The following DDHD1 variants were observed in gnomAD, a reference collection of about 807,000 sequenced individuals.
DDHD1 encodes the protein phospholipase DDHD1.
Under a neutral mutation model 96.4 loss-of-function variants are expected in DDHD1, and 49 were observed. The ratio of observed to expected loss-of-function variants is 0.51; its 90% CI spans 0.40 to 0.64. DDHD1 has a LOEUF of 0.64. DDHD1 is among the 30% of genes least tolerant of loss of function. The probability of loss-of-function intolerance (pLI) is 0.00; values close to 1 mark genes in which losing one functional copy is unlikely to be tolerated. For synonymous variants in DDHD1, 442 were observed against 446.5 expected (o/e 0.99, Z 0.13); for missense variants, 1,106 against 1,161.2 (o/e 0.95, Z 0.69).
At chr14:53,099,021 T>G (rs2139703444) in intron 2 of DDHD1, among the ~76,000 whole-genome samples, 1 of 152,200 alleles carries the variant, frequency 6.6e-6, no homozygotes, top group South Asian at 2.1e-4. Flanking sequence ...TCTGCCATTT[T>G]TCCATTTATT....
chr14:53,113,180 T>C (rs375086329), intron 1 of DDHD1, among the ~76,000 whole-genome samples: 1 of 151,722 alleles, frequency 6.6e-6, no homozygotes, highest in Non-Finnish European at 1.5e-5. Context: ...ATAGCCAGGC[T>C]GGTCTCAAAA....
chr14:53,109,107 G>A (rs961468658), intron 1 of DDHD1, among the ~76,000 whole-genome samples: 8 of 152,126 alleles, frequency 5.3e-5, no homozygotes, highest in Non-Finnish European at 7.4e-5. Flanking sequence ...TTGGGTGGGG[G>A]TTGGGTTGCC....
At chr14:53,124,088 A>G (rs973558935) in intron 1 of DDHD1, among the ~76,000 whole-genome samples, 1 of 151,286 alleles carries the variant, frequency 6.6e-6, no homozygotes, top group Non-Finnish European at 1.5e-5. Context: ...AAAAAAAATT[A>G]GCCGGGCATG....
rs1200868580 is a variant in DDHD1, at chr14:53,059,292, T to C, written c.1843-666A>G. On this transcript the variant is annotated intron_variant, in intron 8 of 12. Coordinates refer to ENST00000673822, the MANE Select transcript of DDHD1 (RefSeq NM_001160148.2). The stretch of plus-strand genomic sequence containing the variant: ...CCGAGTCTCGCTCTGTCACCCAGGC[T>C]GGAGTGCAGTAGTGCGATCTCAGCT... Among the ~76,000 whole-genome samples the C allele has an allele frequency of 5.3e-5, 8 of 152,210 alleles. No homozygotes were observed. In the East Asian group the frequency reaches 1.6e-3, roughly 30 times the overall value.
At chr14:53,047,273 C>A (rs1882096608) in intron 12 of DDHD1, among the ~76,000 whole-genome samples, 1 of 152,130 alleles carries the variant, frequency 6.6e-6, no homozygotes, top group South Asian at 2.1e-4. Context: ...ACCATTTAAT[C>A]CTTGTGCCTA....
intron 1 of DDHD1, 107 bp downstream of exon 1, chr14:53,152,154 G>T: frequency 9.0e-7 from 1 of 1,116,688 alleles, no homozygotes; most frequent in Non-Finnish European, 1.2e-6. Context: ...CAAACGCCAG[G>T]CCTCACGCGC....
intron 2 of DDHD1, among the ~76,000 whole-genome samples, chr14:53,098,800 T>C (rs1289147078): frequency 6.6e-6 from 1 of 152,052 alleles, no homozygotes; most frequent in African/African-American, 2.4e-5. Context: ...TCATAAATCT[T>C]TACAGAGACA....
intron 1 of DDHD1, among the ~76,000 whole-genome samples, chr14:53,114,329 G>A (rs961611236): frequency 3.3e-5 from 5 of 152,346 alleles, no homozygotes; most frequent in African/African-American, 1.2e-4. Flanking sequence ...TGCCGACTCT[G>A]AAGACAGCAG....
chr14:53,091,684 G>C, intron 4 of DDHD1, 101 bp downstream of exon 4: 3 of 1,280,770 alleles, frequency 2.3e-6, no homozygotes, highest in Non-Finnish European at 3.2e-6. Flanking sequence ...TGGCACTGGA[G>C]GAACATGCAG....
At chr14:53,090,811 T>C (rs1886371702) in intron 4 of DDHD1, among the ~76,000 whole-genome samples, 2 of 152,036 alleles carry the variant, frequency 1.3e-5, no homozygotes, top group African/African-American at 4.8e-5. Context: ...ACGTGGCACA[T>C]GTATACATAT....
At chr14:53,122,458 AG>A (rs2139804336) in intron 1 of DDHD1, among the ~76,000 whole-genome samples, 1 of 152,260 alleles carries the variant, frequency 6.6e-6, no homozygotes, top group African/African-American at 2.4e-5. Context: ...CAACCTTGAG[AG>A]GGAATGTCTC....
At chr14:53,117,254 T>A (rs1457775362) in intron 1 of DDHD1, among the ~76,000 whole-genome samples, 1 of 152,164 alleles carries the variant, frequency 6.6e-6, no homozygotes, top group Admixed American at 6.5e-5. Context: ...ATTTCTGCAT[T>A]TCCAACTGAG....
At chr14:53,133,526 A>C (rs1478371255) in intron 1 of DDHD1, among the ~76,000 whole-genome samples, 1 of 152,214 alleles carries the variant, frequency 6.6e-6, no homozygotes, top group East Asian at 1.9e-4. Flanking sequence ...GAAAGGTAGA[A>C]AGAACTAATG....
chr14:53,139,016 C>T lies in DDHD1; in HGVS notation c.838+13245G>A, dbSNP rs566697336. 3.3e-5 allele frequency among the ~76,000 whole-genome samples: 5 copies of T among 151,366 alleles called. No homozygotes were observed. In the East Asian group the frequency reaches 9.8e-4, roughly 30 times the overall value. ...TCACCTAAGGAATGAAAGCCTTAAG[C>T]TGCTGCTAGAAAAGCAACAACTAAA... is the stretch of plus-strand genomic sequence containing the variant. On this transcript the variant is annotated intron_variant, in intron 1 of 12. Coordinates refer to ENST00000673822, the MANE Select transcript of DDHD1 (RefSeq NM_001160148.2).
intron 6 of DDHD1, among the ~76,000 whole-genome samples, chr14:53,067,292 G>A (rs1031631466): frequency 6.6e-6 from 1 of 151,702 alleles, no homozygotes; most frequent in Non-Finnish European, 1.5e-5. Context: ...ACCAGTAGCT[G>A]GGACTACAGG....
chr14:53,131,449 C>T (rs1337714185), intron 1 of DDHD1, among the ~76,000 whole-genome samples: 1 of 152,164 alleles, frequency 6.6e-6, no homozygotes, highest in African/African-American at 2.4e-5. Context: ...TTAATCAAAT[C>T]ATCCTTCCCA....
rs749028980 is a variant in DDHD1 at position 53,067,156 on chromosome 14, C to CTTT, written c.1504-3954_1504-3952dup. 1.3e-3 allele frequency among the ~76,000 whole-genome samples: 174 copies of CTTT among 137,856 alleles called. 1 individual carries two copies. Among genetic ancestry groups the CTTT allele is most frequent in the African/African-American group, 4.4e-3 (167 of 37,768 alleles). The allele number at this position is 137,856 out of a possible 152,430, so 90.4% of individuals were successfully genotyped here. On this transcript the variant is annotated intron_variant, in intron 6 of 12. Coordinates refer to ENST00000673822, the MANE Select transcript of DDHD1 (RefSeq NM_001160148.2). ...GGAGATCCGGGAAACTATTCCTTTT[C>CTTT]TTTTTTTTTTTTTTTTAAATGAGAT... is the stretch of plus-strand genomic sequence containing the variant.
At position 53,041,574 on chromosome 14, in the gene DDHD1, A is replaced by G. The variant is rs1040777639; in HGVS notation, c.*5194T>C. The stretch of plus-strand genomic sequence containing the variant: ...AACACTATGGAAAGGAATGTTAAAC[A>G]TTAGTTAACACTGTGCAACTTGTTT... On this transcript the variant is annotated 3_prime_UTR_variant, in exon 13 of 13. Transcript: ENST00000673822. The G allele has an allele frequency of 2.0e-5, 3 of 152,252 alleles. No homozygotes were observed. The highest frequency in any genetic ancestry group is 4.4e-5 in the Non-Finnish European group (3 of 68,040). The allele number at this position is 152,252 out of a possible 1,614,324, so 9.4% of individuals were successfully genotyped here.
intron 3 of DDHD1, chr14:53,093,060 A>G (rs1405261263): frequency 9.0e-6 from 2 of 220,998 alleles, no homozygotes; most frequent in African/African-American, 4.7e-5. Flanking sequence ...TTTAGGTTTA[A>G]CAGCTTTTGT....
Sources: gnomAD v4.1 joint callset for allele counts (sites outside exome capture counted in the v4.1 genomes callset) on GRCh38, gnomAD v4.1.1 for gene constraint, MANE v1.5 for transcripts, NCBI Gene and HGNC (gene_info 2026-07-23, HGNC 2026-07-21) for gene names.